The following EIF4G3 variants were observed in gnomAD, a reference collection of about 807,000 sequenced individuals.
The protein encoded by EIF4G3 is eukaryotic translation initiation factor 4 gamma 3.
EIF4G3 carries 34 observed loss-of-function variants against 186.4 expected under a neutral mutation model. The ratio of observed to expected loss-of-function variants is 0.18; its 90% CI spans 0.14 to 0.24. The LOEUF (loss-of-function observed/expected upper bound fraction) is 0.24. Ranked by LOEUF, EIF4G3 falls within the 10% of genes least tolerant of loss-of-function variation. The pLI, the probability that EIF4G3 is intolerant of heterozygous loss-of-function variation, is 1.00. For synonymous variants in EIF4G3, 673 were observed against 679.5 expected (o/e 0.99, Z 0.15); for missense variants, 1,536 against 1,948.5 (o/e 0.79, Z 3.99).
At chr1:21,056,868 C>T (rs2094582220) in intron 3 of EIF4G3, among the ~76,000 whole-genome samples, 1 of 152,232 alleles carries the variant, frequency 6.6e-6, no homozygotes, top group Non-Finnish European at 1.5e-5. Flanking sequence ...GCTAAACAGA[C>T]TGTTGTCTTT....
At chr1:21,125,587 C>T (rs555805012) in intron 2 of EIF4G3, among the ~76,000 whole-genome samples, 1 of 151,774 alleles carries the variant, frequency 6.6e-6, no homozygotes, top group Non-Finnish European at 1.5e-5. Flanking sequence ...GGCATGGTGG[C>T]GGGTGCCTGT....
chr1:20,898,921 G>A (rs1402596203), intron 16 of EIF4G3, among the ~76,000 whole-genome samples: 1 of 152,096 alleles, frequency 6.6e-6, no homozygotes, highest in Admixed American at 6.6e-5. Context: ...GTCGAGACGG[G>A]GTTTCTCCAT....
At chr1:21,044,118 G>A (rs955813026) in intron 4 of EIF4G3, among the ~76,000 whole-genome samples, 1 of 152,158 alleles carries the variant, frequency 6.6e-6, no homozygotes, top group African/African-American at 2.4e-5. Context: ...GACTTGGTGT[G>A]GGTTTGGACA....
At chr1:21,003,064 C>T (rs1323189963) in intron 4 of EIF4G3, among the ~76,000 whole-genome samples, 5 of 150,704 alleles carry the variant, frequency 3.3e-5, no homozygotes, top group South Asian at 2.1e-4. Flanking sequence ...GGCACAATCA[C>T]GGCTCACTGC....
intron 8 of EIF4G3, among the ~76,000 whole-genome samples, chr1:20,981,586 T>C (rs1314564674): frequency 7.3e-6 from 1 of 137,202 alleles, no homozygotes; most frequent in Non-Finnish European, 1.6e-5. Flanking sequence ...ATACTGTATG[T>C]ATACATACAT....
chr1:20,837,034 T>C (rs1401133135), intron 30 of EIF4G3, among the ~76,000 whole-genome samples: 3 of 152,230 alleles, frequency 2.0e-5, no homozygotes, highest in Non-Finnish European at 4.4e-5. Context: ...ATGCTCACAG[T>C]TGATATAACA....
intron 3 of EIF4G3, among the ~76,000 whole-genome samples, chr1:21,060,825 T>C (rs558095537): frequency 1.3e-5 from 2 of 151,678 alleles, no homozygotes; most frequent in African/African-American, 2.4e-5. Context: ...GCAATCATCT[T>C]GGCCACAACT....
At chr1:21,130,434 G>A (rs558114938) in intron 2 of EIF4G3, among the ~76,000 whole-genome samples, 1 of 151,724 alleles carries the variant, frequency 6.6e-6, no homozygotes, top group East Asian at 1.9e-4. Flanking sequence ...TTGCCATGTT[G>A]GCCAGGGTGG....
In EIF4G3 at chr1:20,841,002, C is replaced by T; in HGVS notation, c.3915G>A (p.Leu1305=). The T allele has an allele frequency of 1.9e-6, 3 of 1,614,142 alleles. No homozygotes were observed. Among genetic ancestry groups the T allele is most frequent in the Non-Finnish European group, 2.5e-6 (3 of 1,180,006 alleles). The stretch of plus-strand genomic sequence containing the variant: ...AAACATGTAGTAGGCCCTGGGCATT[C>T]AGCTCTTCCACACACTGCATGGCTT... ...FKEAMQCVEE[L]NAQGLLHVFV... is the part of the protein sequence containing the mutation. Residue 1305 remains leucine (L), a synonymous_variant, in exon 30 of 37, where the codon CTG becomes CTA. Transcript: ENST00000602326.
At chr1:21,055,650 A>G (rs978653122) in intron 3 of EIF4G3, among the ~76,000 whole-genome samples, 1 of 152,110 alleles carries the variant, frequency 6.6e-6, no homozygotes, top group African/African-American at 2.4e-5. Context: ...TTTAGAGTAC[A>G]TACCCTAAAG....
chr1:20,929,855 C>T (rs1244159614), intron 14 of EIF4G3, among the ~76,000 whole-genome samples: 4 of 152,180 alleles, frequency 2.6e-5, no homozygotes, highest in Admixed American at 2.6e-4. Flanking sequence ...AATTTTACTG[C>T]CAGTGTTTAA....
intron 4 of EIF4G3, among the ~76,000 whole-genome samples, chr1:21,037,252 A>T (rs920821184): frequency 2.7e-5 from 4 of 148,012 alleles, no homozygotes; most frequent in African/African-American, 9.8e-5. Context: ...AAAAAAAAAA[A>T]GCTATTGCGC....
intron 4 of EIF4G3, among the ~76,000 whole-genome samples, chr1:21,031,789 C>A (rs527685161): frequency 6.6e-6 from 1 of 152,300 alleles, no homozygotes. Flanking sequence ...GCTCCTAATT[C>A]TTCTGAAATT....
intron 19 of EIF4G3, among the ~76,000 whole-genome samples, chr1:20,879,776 T>G (rs1338789988): frequency 1.3e-5 from 2 of 152,166 alleles, no homozygotes; most frequent in Non-Finnish European, 2.9e-5. Context: ...CTGTTAACAT[T>G]TCTAAGGGCA....
At chr1:20,862,074 G>C (rs2076490772) in intron 23 of EIF4G3, among the ~76,000 whole-genome samples, 154 bp downstream of exon 23, 1 of 152,152 alleles carries the variant, frequency 6.6e-6, no homozygotes, top group Non-Finnish European at 1.5e-5. Flanking sequence ...TCCCTTCTCA[G>C]AACTCTCCCA....
intron 10 of EIF4G3, among the ~76,000 whole-genome samples, chr1:20,974,620 C>T (rs1038285806): frequency 2.0e-5 from 3 of 151,760 alleles, no homozygotes; most frequent in Admixed American, 1.3e-4. Context: ...AAAATTTTGC[C>T]GTAAAAGAAA....
intron 4 of EIF4G3, among the ~76,000 whole-genome samples, chr1:21,044,980 A>G (rs1252268786): frequency 6.6e-6 from 1 of 152,146 alleles, no homozygotes; most frequent in Non-Finnish European, 1.5e-5. Context: ...CAAAAAATTA[A>G]AAAATTAGTC....
chr1:20,921,112 C>G (rs6678936), intron 14 of EIF4G3, among the ~76,000 whole-genome samples: 143,608 of 151,968 alleles, frequency 0.94, 68,358 homozygotes, highest in Middle Eastern at 1. Context: ...AATTGTTAAT[C>G]TATATGAAAC....
chr1:20,814,170 T>C (rs2059880762), intron 34 of EIF4G3, among the ~76,000 whole-genome samples: 1 of 151,934 alleles, frequency 6.6e-6, no homozygotes, highest in Non-Finnish European at 1.5e-5. Flanking sequence ...GGTTTCACTA[T>C]GTTGGCCAGG....
Sources: allele counts gnomAD v4.1 joint callset (sites outside exome capture counted in the v4.1 genomes callset), GRCh38; gene constraint gnomAD v4.1.1; transcripts MANE v1.5; gene names NCBI Gene and HGNC (gene_info 2026-07-23, HGNC 2026-07-21).